The following LOXHD1 variants were observed in gnomAD, a reference collection of about 807,000 sequenced individuals.
LOXHD1 encodes lipoxygenase homology PLAT domains 1.
Under a neutral mutation model 248.2 loss-of-function variants are expected in LOXHD1, and 205 were observed. That is an observed-to-expected ratio of 0.83 (90% CI 0.74 to 0.93). The LOEUF is 0.93. Among genes scored for constraint, LOXHD1 ranks in the 40% least tolerant of loss-of-function variants. LOXHD1 has a pLI of 0.00. For missense variants in LOXHD1, 2,930 were observed against 2,971.6 expected, an observed-to-expected ratio of 0.99 and a Z score of 0.33; for synonymous variants, 1,113 against 1,162.8, an observed-to-expected ratio of 0.96 and a Z score of 0.87.
intron 21 of LOXHD1, among the ~76,000 whole-genome samples, chr18:46,556,522 G>A (rs1438728020): frequency 1.3e-5 from 2 of 152,124 alleles, no homozygotes; most frequent in African/African-American, 4.8e-5. Context: ...CATCCAGCCT[G>A]CAACGTGGGC....
intron 2 of LOXHD1, among the ~76,000 whole-genome samples, chr18:46,647,675 T>C (rs2039049965): frequency 6.6e-6 from 1 of 152,096 alleles, no homozygotes; most frequent in Non-Finnish European, 1.5e-5. Context: ...CCCTGTTCTG[T>C]GGAAATGGAT....
chr18:46,587,179 C>T (rs1399780362), intron 12 of LOXHD1, among the ~76,000 whole-genome samples: 7 of 152,214 alleles, frequency 4.6e-5, no homozygotes, highest in Non-Finnish European at 8.8e-5. Flanking sequence ...ATACTAAATG[C>T]TTTCAATCTT....
intron 6 of LOXHD1, among the ~76,000 whole-genome samples, chr18:46,606,283 A>T (rs112128074): frequency 6.0e-4 from 92 of 152,288 alleles, no homozygotes; most frequent in African/African-American, 2.2e-3. Context: ...GCATAAAGAT[A>T]AGGCATGAAA....
chr18:46,654,009 C>A (rs1475374117), intron 1 of LOXHD1, among the ~76,000 whole-genome samples: 1 of 152,148 alleles, frequency 6.6e-6, no homozygotes, highest in Non-Finnish European at 1.5e-5. Flanking sequence ...CTCCAAAATT[C>A]AGGTGTTGCC....
rs767303119 is a variant in LOXHD1 at position 46,592,004 on chromosome 18, G to T, written c.1583C>A (p.Ala528Asp). ...CACTATCTCATTGTCATCCTCATTG[G>T]CATCCAGCCAGCGGTTGCAATTGAA... is the stretch of plus-strand genomic sequence containing the variant. ...YNFNCNRWLDANEDDNEIVRE... is the reference protein window; with the variant it reads ...YNFNCNRWLDDNEDDNEIVRE... Residue 528 changes from alanine (A) to aspartate (D), a missense_variant, in exon 12 of 41, where the codon GCC (alanine) becomes GAC (aspartate). Physicochemically the swap from Ala to Asp is moderately radical, Grantham distance 126 (BLOSUM62 -2). Coordinates refer to ENST00000642948, the MANE Select transcript of LOXHD1 (RefSeq NM_001384474.1). 1.9e-6 allele frequency: 3 copies of T among 1,552,056 alleles called. No homozygotes were observed. The highest frequency in any genetic ancestry group is 1.2e-5 in the South Asian group (1 of 84,064).
chr18:46,608,721 C>G (rs769759882), intron 6 of LOXHD1, among the ~76,000 whole-genome samples: 10 of 152,200 alleles, frequency 6.6e-5, no homozygotes, highest in Non-Finnish European at 1.3e-4. Context: ...CTCCTGGTAC[C>G]CTCCAGGCTT....
chr18:46,563,285 G>A, intron 17 of LOXHD1, 60 bp from the exon 18 acceptor site: 1 of 1,414,208 alleles, frequency 7.1e-7, no homozygotes, highest in Non-Finnish European at 9.4e-7. Context: ...AACAATGATA[G>A]TAACAAAACA....
intron 23 of LOXHD1, among the ~76,000 whole-genome samples, chr18:46,543,517 A>G (rs986999691): frequency 5.3e-5 from 8 of 152,058 alleles, no homozygotes; most frequent in African/African-American, 1.4e-4. Context: ...TGCTGCACCC[A>G]TCAACCCATC....
chr18:46,596,204 G>A (rs930892279), intron 8 of LOXHD1, among the ~76,000 whole-genome samples: 8 of 93,620 alleles, frequency 8.5e-5, no homozygotes, highest in African/African-American at 2.5e-4. Context: ...AAAAATGTTT[G>A]CTTCTGGACT....
At chr18:46,587,914 T>C (rs981831708) in intron 12 of LOXHD1, among the ~76,000 whole-genome samples, 2 of 152,184 alleles carry the variant, frequency 1.3e-5, no homozygotes, top group African/African-American at 4.8e-5. Context: ...GCCTCTTGGC[T>C]CTCAGACATG....
intron 5 of LOXHD1, among the ~76,000 whole-genome samples, chr18:46,614,453 G>A (rs1441664973): frequency 6.6e-6 from 1 of 152,156 alleles, no homozygotes; most frequent in African/African-American, 2.4e-5. Flanking sequence ...ATCATTCTGA[G>A]CAAACTATCG....
At position 46,489,117 on chromosome 18, in the gene LOXHD1, G is replaced by T; in HGVS notation, c.5904C>A (p.Ser1968Arg). ...GGGAGTTGTCCTTCACATCGACATA[G>T]CTCAGATGCCAGCCAGGAAATATCC... ...NKGIFPGWHL[S>R]YVDVKDNSRD... The change falls in exon 38 of 41, where the codon AGC (serine) becomes AGA (arginine). Residue 1968 changes from serine to arginine, a missense_variant. Transcript: ENST00000642948. 1 of 1,551,668 alleles carries T rather than the reference G, an allele frequency of 6.4e-7. No individual in the cohort carries two copies.
intron 4 of LOXHD1, among the ~76,000 whole-genome samples, chr18:46,625,627 C>T (rs1476237030): frequency 6.6e-6 from 1 of 152,176 alleles, no homozygotes; most frequent in Admixed American, 6.5e-5. Flanking sequence ...TGCCCTATAC[C>T]ATTCATCACC....
chr18:46,532,880 T>C (rs1653154348), intron 28 of LOXHD1, among the ~76,000 whole-genome samples: 1 of 152,230 alleles, frequency 6.6e-6, no homozygotes, highest in Non-Finnish European at 1.5e-5. Context: ...ATTCCCGTTA[T>C]CTGGATGTAT....
intron 37 of LOXHD1, among the ~76,000 whole-genome samples, chr18:46,500,733 T>C (rs1158721081): frequency 6.6e-6 from 1 of 152,172 alleles, no homozygotes; most frequent in Non-Finnish European, 1.5e-5. Context: ...CCCTATTCCC[T>C]ATTTTGTAGT....
At chr18:46,508,419 G>A (rs973596653) in intron 35 of LOXHD1, among the ~76,000 whole-genome samples, 19 of 152,046 alleles carry the variant, frequency 1.2e-4, no homozygotes, top group African/African-American at 2.4e-4. Flanking sequence ...CACCCAGAAC[G>A]CCATGTGAAG....
intron 40 of LOXHD1, among the ~76,000 whole-genome samples, chr18:46,479,779 A>AC (rs1027352776): frequency 1.4e-5 from 2 of 147,458 alleles, no homozygotes; most frequent in African/African-American, 4.9e-5. Context: ...AAAAAAAACA[A>AC]AAAAAAAAAC....
At chr18:46,551,450 C>T (rs1407980204) in intron 21 of LOXHD1, among the ~76,000 whole-genome samples, 2 of 152,092 alleles carry the variant, frequency 1.3e-5, no homozygotes, top group Non-Finnish European at 1.5e-5. Context: ...TGAAGATGCA[C>T]GTTCTTTATT....
intron 9 of LOXHD1, 91 bp from the exon 10 acceptor site, chr18:46,593,851 A>C: frequency 7.3e-7 from 1 of 1,378,326 alleles, no homozygotes; most frequent in Non-Finnish European, 1.0e-6. Context: ...CAAAATGATC[A>C]GGACTGAAGG....
Sources: gnomAD v4.1 joint callset for allele counts (sites outside exome capture counted in the v4.1 genomes callset) on GRCh38, gnomAD v4.1.1 for gene constraint, MANE v1.5 for transcripts, NCBI Gene and HGNC (gene_info 2026-07-23, HGNC 2026-07-21) for gene names.